SYNDIG1: variants seen among roughly 807,000 people sequenced by gnomAD.
SYNDIG1 encodes the protein synapse differentiation inducing 1.
SYNDIG1 carries 9 observed loss-of-function variants against 19.4 expected under a neutral mutation model. The observed-to-expected ratio is 0.46, with a 90% CI of 0.28 to 0.81. The LOEUF is 0.81. Ranked by LOEUF, SYNDIG1 falls within the 30% of genes least tolerant of loss-of-function variation. The probability of loss-of-function intolerance (pLI) is 0.12; values close to 1 mark genes in which losing one functional copy is unlikely to be tolerated. For missense variants in SYNDIG1, 311 were observed against 343.3 expected, an observed-to-expected ratio of 0.91 and a Z score of 0.74; for synonymous variants, 141 against 145.9, an observed-to-expected ratio of 0.97 and a Z score of 0.24.
chr20:24,640,580 C>G (rs770929303), intron 3 of SYNDIG1, among the ~76,000 whole-genome samples: 1 of 151,232 alleles, frequency 6.6e-6, no homozygotes, highest in Non-Finnish European at 1.5e-5. Context: ...TATCTAGTGG[C>G]CCCAGTGTGG....
intron 1 of SYNDIG1, among the ~76,000 whole-genome samples, chr20:24,542,264 G>A (rs1336651062): frequency 6.6e-6 from 1 of 152,188 alleles, no homozygotes; most frequent in Non-Finnish European, 1.5e-5. Context: ...ATAATCAGTT[G>A]TAAAATCAAC....
chr20:24,481,843 A>C (rs1391095373), intron 1 of SYNDIG1, among the ~76,000 whole-genome samples: 1 of 152,212 alleles, frequency 6.6e-6, no homozygotes, highest in African/African-American at 2.4e-5. Flanking sequence ...AAAGTTCTGA[A>C]TGTATATAAA....
chr20:24,596,980 C>T (rs564794997), intron 3 of SYNDIG1: 76 of 152,148 alleles, frequency 5.0e-4, no homozygotes, highest in African/African-American at 1.8e-3. Context: ...GGGCACACCC[C>T]TTGCTGGTGG....
chr20:24,564,573 GTTAT>G (rs1323720168), intron 2 of SYNDIG1, among the ~76,000 whole-genome samples: 2 of 152,078 alleles, frequency 1.3e-5, no homozygotes, highest in East Asian at 3.9e-4. Context: ...AAAGAGGTGC[GTTAT>G]TTGTTGGAGA....
At chr20:24,568,988 T>A (rs1005728168) in intron 2 of SYNDIG1, among the ~76,000 whole-genome samples, 6 of 152,216 alleles carry the variant, frequency 3.9e-5, no homozygotes, top group Admixed American at 3.9e-4. Flanking sequence ...GGAATTCACA[T>A]CTGCTAGCTC....
At chr20:24,644,704 A>C (rs1036730860) in intron 3 of SYNDIG1, among the ~76,000 whole-genome samples, 2 of 152,246 alleles carry the variant, frequency 1.3e-5, no homozygotes, top group African/African-American at 2.4e-5. Flanking sequence ...GGAACCAGCT[A>C]TCTGAGAGAA....
chr20:24,559,532 TA>T, intron 2 of SYNDIG1, among the ~76,000 whole-genome samples: 1 of 152,212 alleles, frequency 6.6e-6, no homozygotes, highest in Non-Finnish European at 1.5e-5. Context: ...TATACAGTAT[TA>T]TATAGTTACC....
chr20:24,587,820 T>C (rs934232163), intron 3 of SYNDIG1, among the ~76,000 whole-genome samples: 4 of 152,300 alleles, frequency 2.6e-5, no homozygotes, highest in Admixed American at 1.3e-4. Flanking sequence ...CACAAGGAAA[T>C]CTTTGACATC....
chr20:24,642,122 TTAG>T (rs2059383702), intron 3 of SYNDIG1, among the ~76,000 whole-genome samples: 2 of 152,224 alleles, frequency 1.3e-5, no homozygotes, highest in Non-Finnish European at 2.9e-5. Context: ...CATATGGCAT[TTAG>T]TAGTTGTGCC....
rs1234072992 is a variant in SYNDIG1 at position 24,543,303 on chromosome 20, C to T, written c.206C>T (p.Pro69Leu). The change falls in exon 2 of 4, where the codon CCG becomes CTG. Residue 69 changes from proline (P) to leucine (L), a missense_variant. Pro to Leu is a moderately conservative substitution (Grantham distance 98, BLOSUM62 -3). Transcript: ENST00000376862. ...PASLDSSRSE[P>L]MQQLLDPNTL... ...AGCCTGGACAGCAGCAGGAGTGAGCCGATGCAGCAGCTGCTGGACCCCAAC... is the reference window on the plus strand; with the variant it reads ...AGCCTGGACAGCAGCAGGAGTGAGCTGATGCAGCAGCTGCTGGACCCCAAC... 3 of 1,613,412 alleles carry T rather than the reference C, an allele frequency of 1.9e-6. No homozygotes were observed. The highest frequency in any genetic ancestry group is 2.7e-5 in the African/African-American group (2 of 74,900).
intron 1 of SYNDIG1, among the ~76,000 whole-genome samples, chr20:24,518,474 A>G (rs1253017777): frequency 2.0e-5 from 3 of 152,214 alleles, no homozygotes; most frequent in Admixed American, 6.5e-5. Flanking sequence ...AACACGGTAT[A>G]TGGGCATTAT....
rs915887692 is a variant in SYNDIG1, at chr20:24,553,522, T to C, written c.480+9945T>C. Among the ~76,000 whole-genome samples the C allele has an allele frequency of 3.1e-4, 47 of 152,374 alleles. No individual in the cohort carries two copies. In the Middle Eastern group the frequency reaches 0.01, roughly 33 times the overall value. Reference sequence around the variant, plus strand: ...AGGAAGGGATCCAGTTTCAGCTTTCTACATATGGCTAGCCAGTTTTCCCAG... The same window carrying C: ...AGGAAGGGATCCAGTTTCAGCTTTCCACATATGGCTAGCCAGTTTTCCCAG... On this transcript the variant is annotated intron_variant, in intron 2 of 3. Coordinates refer to ENST00000376862, the MANE Select transcript of SYNDIG1 (RefSeq NM_024893.3).
At chr20:24,520,674 CAA>C (rs1283965306) in intron 1 of SYNDIG1, among the ~76,000 whole-genome samples, 1 of 140,590 alleles carries the variant, frequency 7.1e-6, no homozygotes, top group African/African-American at 2.7e-5. Context: ...GCCTGCGTAA[CAA>C]GAGAGAAACT....
At chr20:24,624,696 T>C (rs1286686436) in intron 3 of SYNDIG1, among the ~76,000 whole-genome samples, 1 of 152,202 alleles carries the variant, frequency 6.6e-6, no homozygotes, top group Non-Finnish European at 1.5e-5. Flanking sequence ...TCAATCAACT[T>C]GACCTTATTA....
rs557243570 is a variant in SYNDIG1 at position 24,641,648 on chromosome 20, C to T, written c.619-23698C>T. Reference sequence around the variant, plus strand: ...ATACTCAGATAAAATAGTAACAGGACGTAAACTAGTTAACATACGTGCTAG... The same window carrying T: ...ATACTCAGATAAAATAGTAACAGGATGTAAACTAGTTAACATACGTGCTAG... On this transcript the variant is annotated intron_variant, in intron 3 of 3. Coordinates refer to ENST00000376862, the MANE Select transcript of SYNDIG1 (RefSeq NM_024893.3). Among the ~76,000 whole-genome samples, 7 of 152,114 alleles carry T rather than the reference C, an allele frequency of 4.6e-5. No homozygotes were observed. In the East Asian group the frequency reaches 5.8e-4, roughly 13 times the overall value.
At chr20:24,517,739 A>G (rs2056914716) in intron 1 of SYNDIG1, among the ~76,000 whole-genome samples, 1 of 144,708 alleles carries the variant, frequency 6.9e-6, no homozygotes. Flanking sequence ...TATATTATAT[A>G]TGTGTATGTG....
At chr20:24,614,280 A>G (rs1309211954) in intron 3 of SYNDIG1, among the ~76,000 whole-genome samples, 1 of 152,250 alleles carries the variant, frequency 6.6e-6, no homozygotes, top group Non-Finnish European at 1.5e-5. Context: ...CTGGGATTAC[A>G]GGCATGAGCC....
At chr20:24,490,722 C>T (rs2056122363) in intron 1 of SYNDIG1, among the ~76,000 whole-genome samples, 1 of 152,218 alleles carries the variant, frequency 6.6e-6, no homozygotes, top group African/African-American at 2.4e-5. Flanking sequence ...TGTGGGGCCT[C>T]AGCCAAGGCT....
chr20:24,618,355 G>A (rs562440814), intron 3 of SYNDIG1, among the ~76,000 whole-genome samples: 30 of 150,794 alleles, frequency 2.0e-4, no homozygotes, highest in African/African-American at 7.1e-4. Context: ...ATCCCGGGGA[G>A]GGGGGAGAGC....
Sources: gnomAD v4.1 joint callset for allele counts (sites outside exome capture counted in the v4.1 genomes callset) on GRCh38, gnomAD v4.1.1 for gene constraint, MANE v1.5 for transcripts, NCBI Gene and HGNC (gene_info 2026-07-23, HGNC 2026-07-21) for gene names.